TUFT1: variants seen among roughly 807,000 people sequenced by gnomAD.
The protein encoded by TUFT1 is tuftelin 1, also known as tuftelin.
A neutral mutation model predicts 57.8 loss-of-function variants in TUFT1; 43 were observed. That is an observed-to-expected ratio of 0.74 (90% CI 0.58 to 0.96). The LOEUF is 0.96. TUFT1 is among the 40% of genes least tolerant of loss of function. The pLI, the probability that TUFT1 is intolerant of heterozygous loss-of-function variation, is 0.00. For missense variants in TUFT1, 459 were observed against 489.0 expected (o/e 0.94, Z 0.58); for synonymous variants, 166 against 176.7 (o/e 0.94, Z 0.48).
intron 1 of TUFT1, among the ~76,000 whole-genome samples, chr1:151,550,084 A>C (rs1665462299): frequency 6.6e-6 from 1 of 151,952 alleles, no homozygotes; most frequent in Non-Finnish European, 1.5e-5. Context: ...CACAGGGCTC[A>C]CTGCACCTCT....
chr1:151,572,020 G>A (rs10888422), intron 7 of TUFT1, among the ~76,000 whole-genome samples: 137,170 of 152,030 alleles, frequency 0.9, 61,959 homozygotes, highest in South Asian at 0.98. Flanking sequence ...AGCCTGGCCA[G>A]CATAGATCTC....
Position 151,581,000 on chromosome 1 carries a change from A to G in TUFT1, c.1067A>G (p.Asn356Ser). ...ATAGAAAAACAAATCAGTCATGGCAACTTCAGCACCCAGGCCCGGGCCAAG... is the reference window on the plus strand; with the variant it reads ...ATAGAAAAACAAATCAGTCATGGCAGCTTCAGCACCCAGGCCCGGGCCAAG... The part of the protein sequence containing the change: ...HLIEKQISHG[N>S]FSTQARAKTE... Residue 356 changes from asparagine to serine, a missense_variant, in exon 12 of 13, where the codon AAC (asparagine) becomes AGC (serine). Transcript: ENST00000368849. The G allele has an allele frequency of 6.2e-7, 1 of 1,614,212 alleles. No individual in the cohort carries two copies. The highest frequency in any genetic ancestry group is 8.5e-7 in the Non-Finnish European group (1 of 1,180,030).
chr1:151,543,657 C>T (rs1036629396), intron 1 of TUFT1, among the ~76,000 whole-genome samples: 5 of 152,130 alleles, frequency 3.3e-5, no homozygotes, highest in Non-Finnish European at 7.3e-5. Context: ...GTAAGTGGAA[C>T]GATGGAGGCT....
At chr1:151,575,992 G>A (rs1044333810) in intron 9 of TUFT1, among the ~76,000 whole-genome samples, 4 of 152,136 alleles carry the variant, frequency 2.6e-5, no homozygotes, top group Admixed American at 2.6e-4. Flanking sequence ...TCGGTGGGTA[G>A]GTGCGCATGG....
In TUFT1 at chr1:151,562,180, T is replaced by C. The variant is rs901534909; in HGVS notation, c.135+15T>C. 6.8e-6 allele frequency: 11 copies of C among 1,612,262 alleles called. No homozygotes were observed. Among genetic ancestry groups the C allele is most frequent in the Admixed American group, 6.7e-5 (4 of 59,980 alleles). On this transcript the variant is annotated intron_variant, in intron 2 of 12. Coordinates refer to ENST00000368849, the MANE Select transcript of TUFT1 (RefSeq NM_020127.3). ...TAGCCCAGAAGGTACTGCGGAATTC[T>C]GGTGGGCAAGGCCCCCTCCCCACAC...
At position 151,567,702 on chromosome 1, in the gene TUFT1, C is replaced by T. The variant is rs138240196; in HGVS notation, c.480+1474C>T. On this transcript the variant is annotated intron_variant, in intron 6 of 12. Coordinates refer to ENST00000368849, the MANE Select transcript of TUFT1 (RefSeq NM_020127.3). ...CTGGGACTACTGGCGTGAGCCACCACGCCTGGCTAATTTTTGTATTTTTAG... is the reference window on the plus strand; with the variant it reads ...CTGGGACTACTGGCGTGAGCCACCATGCCTGGCTAATTTTTGTATTTTTAG... 1.9e-3 allele frequency among the ~76,000 whole-genome samples: 296 copies of T among 152,204 alleles called. 2 individuals are homozygous for T. Among genetic ancestry groups the T allele is most frequent in the Admixed American group, 0.01 (155 of 15,288 alleles).
intron 1 of TUFT1, among the ~76,000 whole-genome samples, chr1:151,541,541 C>G (rs542093882): frequency 1.3e-5 from 2 of 152,262 alleles, no homozygotes; most frequent in East Asian, 1.9e-4. Context: ...CTCCCTTACT[C>G]TCTGCCTGCC....
intron 1 of TUFT1, 110 bp from the exon 2 acceptor site, chr1:151,561,980 AT>A (rs1199452846): frequency 3.4e-6 from 5 of 1,471,616 alleles, no homozygotes; most frequent in Non-Finnish European, 4.7e-6. Flanking sequence ...TGAAGTGGTG[AT>A]GATAAGACCC....
chr1:151,555,939 G>A (rs1041332605), intron 1 of TUFT1, among the ~76,000 whole-genome samples: 2 of 152,078 alleles, frequency 1.3e-5, no homozygotes, highest in African/African-American at 4.8e-5. Flanking sequence ...GTCAAGCTAT[G>A]GAACATTTCC....
At chr1:151,547,200 C>G (rs1444152354) in intron 1 of TUFT1, among the ~76,000 whole-genome samples, 1 of 152,194 alleles carries the variant, frequency 6.6e-6, no homozygotes, top group East Asian at 1.9e-4. Flanking sequence ...ACCAAGGCTG[C>G]CAGGAATTTG....
intron 1 of TUFT1, among the ~76,000 whole-genome samples, chr1:151,549,933 G>C (rs529974795): frequency 6.6e-6 from 1 of 152,310 alleles, no homozygotes; most frequent in East Asian, 1.9e-4. Flanking sequence ...TGTTGCCCAG[G>C]CTGGTCTCAA....
intron 1 of TUFT1, among the ~76,000 whole-genome samples, chr1:151,560,310 G>A (rs2102533959): frequency 6.6e-6 from 1 of 152,018 alleles, no homozygotes; most frequent in Non-Finnish European, 1.5e-5. Flanking sequence ...CAGCTACTTG[G>A]GAGGCTGAGG....
At position 151,562,619 on chromosome 1, in the gene TUFT1, A is replaced by G. The variant is rs1178950864; in HGVS notation, c.170A>G (p.His57Arg). The change falls in exon 3 of 13, where the codon CAC (histidine) becomes CGC (arginine). Residue 57 changes from histidine (H) to arginine (R), a missense_variant. Transcript: ENST00000368849. ...GRKTYAMVSS[H>R]SAGHSLASEL... ...AAGACCTATGCCATGGTGTCCAGCC[A>G]CTCAGCTGGTCATTCTCTGGCTTCA... 4 of 1,612,534 alleles carry G rather than the reference A, an allele frequency of 2.5e-6. No individual in the cohort carries two copies. Among genetic ancestry groups the G allele is most frequent in the Non-Finnish European group, 3.4e-6 (4 of 1,179,978 alleles).
In TUFT1 at chr1:151,563,943, G is replaced by A. The variant is rs189101009; in HGVS notation, c.277G>A (p.Glu93Lys). ...GAGGTCTGGAGACAAGATGATTCACGAGAAGAATATTAACCAGCTGAAGAG... is the reference window on the plus strand; with the variant it reads ...GAGGTCTGGAGACAAGATGATTCACAAGAAGAATATTAACCAGCTGAAGAG... Reference protein sequence around the residue: ...KGRSGDKMIHEKNINQLKSEV... With the variant: ...KGRSGDKMIHKKNINQLKSEV... Residue 93 changes from glutamate (E) to lysine (K), a missense_variant, in exon 4 of 13, where the codon GAG (glutamate) becomes AAG (lysine). By Grantham distance (56) the Glu-to-Lys change is moderately conservative. Transcript: ENST00000368849. The A allele has an allele frequency of 2.2e-5, 35 of 1,614,126 alleles. No individual in the cohort carries two copies. In the Admixed American group the frequency reaches 5.2e-4, roughly 24 times the overall value.
At chr1:151,558,045 C>CT (rs1340654179) in intron 1 of TUFT1, 1 of 354,196 alleles carries the variant, frequency 2.8e-6, no homozygotes, top group Non-Finnish European at 5.4e-6. Flanking sequence ...ATTTACCCAT[C>CT]TTTTTTCAAC....
At chr1:151,557,827 C>T (rs558034959) in intron 1 of TUFT1, 30 of 751,576 alleles carry the variant, frequency 4.0e-5, no homozygotes, top group Middle Eastern at 3.7e-4. Context: ...AACCTACAGA[C>T]GGAGTGCTGT....
chr1:151,574,076 A>G (rs1666358326), intron 7 of TUFT1, among the ~76,000 whole-genome samples, 194 bp from the exon 8 acceptor site: 1 of 152,108 alleles, frequency 6.6e-6, no homozygotes, highest in Admixed American at 6.6e-5. Flanking sequence ...TTAACCCTGG[A>G]AATAGACACC....
chr1:151,575,389 G>A (rs1179438521), intron 9 of TUFT1, among the ~76,000 whole-genome samples: 2 of 152,146 alleles, frequency 1.3e-5, no homozygotes, highest in Non-Finnish European at 2.9e-5. Flanking sequence ...AACTGTTTGA[G>A]GGTAAAATTG....
chr1:151,542,597 A>G (rs1220938149), intron 1 of TUFT1, among the ~76,000 whole-genome samples: 2 of 152,138 alleles, frequency 1.3e-5, no homozygotes, highest in Non-Finnish European at 1.5e-5. Flanking sequence ...CTAAGAGAAA[A>G]TAATGGACAA....
Sources: allele counts gnomAD v4.1 joint callset (sites outside exome capture counted in the v4.1 genomes callset), GRCh38; gene constraint gnomAD v4.1.1; transcripts MANE v1.5; gene names NCBI Gene and HGNC (gene_info 2026-07-23, HGNC 2026-07-21).